Variants in ATL2 observed in about 807,000 individuals in gnomAD.
ATL2 encodes the protein atlastin-2.
ATL2 carries 31 observed loss-of-function variants against 73.9 expected under a neutral mutation model. The ratio of observed to expected loss-of-function variants is 0.42; its 90% CI spans 0.32 to 0.57. The LOEUF is 0.57. ATL2 is among the 20% of genes least tolerant of loss of function. The pLI is 0.14. For synonymous variants in ATL2, 291 were observed against 237.5 expected, an observed-to-expected ratio of 1.23 and a Z score of -2.07; for missense variants, 738 against 702.6, an observed-to-expected ratio of 1.05 and a Z score of -0.57.
At chr2:38,303,386 T>C (rs1573431941) in intron 9 of ATL2, among the ~76,000 whole-genome samples, 1 of 151,976 alleles carries the variant, frequency 6.6e-6, no homozygotes, top group South Asian at 2.1e-4. Context: ...TTGTATTTTT[T>C]GTAGAGACAA....
Position 38,304,438 on chromosome 2 carries a change from A to T in ATL2, c.1072-4110T>A, listed in dbSNP as rs377242308. On this transcript the variant is annotated intron_variant, in intron 9 of 12. Coordinates refer to ENST00000378954, the MANE Select transcript of ATL2 (RefSeq NM_001135673.4). ...AAGAAAAGGATTTTAATGAGCAATAAGAAATGATTTGAAGGTCCAAAACTC... is the reference window on the plus strand; with the variant it reads ...AAGAAAAGGATTTTAATGAGCAATATGAAATGATTTGAAGGTCCAAAACTC... Among the ~76,000 whole-genome samples the T allele has an allele frequency of 1.3e-3, 201 of 152,354 alleles. 1 individual carries two copies. Among genetic ancestry groups the T allele is most frequent in the African/African-American group, 4.5e-3 (187 of 41,588 alleles).
intron 5 of ATL2, 74 bp downstream of exon 5, chr2:38,315,210 C>G (rs1667964037): frequency 7.6e-7 from 1 of 1,323,270 alleles, no homozygotes; most frequent in Non-Finnish European, 9.7e-7. Flanking sequence ...AAGATTGTGC[C>G]ACCGTACTCT....
intron 1 of ATL2, among the ~76,000 whole-genome samples, chr2:38,366,988 G>C (rs575391489): frequency 6.6e-6 from 1 of 152,028 alleles, no homozygotes; most frequent in Admixed American, 6.6e-5. Context: ...AACACTTTAA[G>C]ACATTATCTT....
Position 38,343,488 on chromosome 2 carries a change from A to G in ATL2, c.143T>C (p.Leu48Pro). 2 of 1,607,198 alleles carry G rather than the reference A, an allele frequency of 1.2e-6. No individual in the cohort carries two copies. Among genetic ancestry groups the G allele is most frequent in the South Asian group, 1.1e-5 (1 of 90,300 alleles). ...SLGENYEDDD[L>P]VNSDEVMKKP... ...CTTCATAACCTCATCAGAATTTACTAGGTCATCATCTTCATAATTCTCACC... is the reference window on the plus strand; with the variant it reads ...CTTCATAACCTCATCAGAATTTACTGGGTCATCATCTTCATAATTCTCACC... Residue 48 changes from leucine to proline, a missense_variant, in exon 2 of 13, where the codon CTA (leucine) becomes CCA (proline). Leu to Pro is a moderately conservative substitution (Grantham distance 98, BLOSUM62 -3). Transcript: ENST00000378954.
intron 7 of ATL2, among the ~76,000 whole-genome samples, chr2:38,312,789 A>G (rs1667830924): frequency 6.6e-6 from 1 of 151,726 alleles, no homozygotes; most frequent in Non-Finnish European, 1.5e-5. Context: ...CCTCCCAGTC[A>G]TGCTTCCTGT....
chr2:38,378,282 T>C (rs907323206), upstream of ATL2, among the ~76,000 whole-genome samples: 2 of 152,216 alleles, frequency 1.3e-5, no homozygotes, highest in Admixed American at 1.3e-4. Flanking sequence ...ACTGGTGTTA[T>C]TAAAGCTTTC....
chr2:38,335,385 T>C (rs1020619853), intron 2 of ATL2, among the ~76,000 whole-genome samples: 1 of 152,152 alleles, frequency 6.6e-6, no homozygotes, highest in African/African-American at 2.4e-5. Context: ...ATTCATCCAA[T>C]GAAATATCAC....
At chr2:38,329,934 G>A (rs953917463) in intron 2 of ATL2, among the ~76,000 whole-genome samples, 1 of 152,076 alleles carries the variant, frequency 6.6e-6, no homozygotes, top group Non-Finnish European at 1.5e-5. Flanking sequence ...TTCAAGACCA[G>A]GCTGGCCAAC....
intron 12 of ATL2, 88 bp downstream of exon 12, chr2:38,298,056 G>T: frequency 1.6e-6 from 2 of 1,266,978 alleles, no homozygotes; most frequent in East Asian, 2.4e-5. Flanking sequence ...CTCACATGAA[G>T]GCAAAGTCGG....
chr2:38,355,496 T>G (rs557033418), intron 1 of ATL2, among the ~76,000 whole-genome samples: 7 of 152,078 alleles, frequency 4.6e-5, no homozygotes, highest in Non-Finnish European at 1.0e-4. Context: ...GGGGAAAAGG[T>G]ATACTATACA....
At chr2:38,296,761 G>A in intron 12 of ATL2, 1 of 1,550,060 alleles carries the variant, frequency 6.5e-7, no homozygotes, top group Middle Eastern at 1.7e-4. Context: ...ACACAGCACA[G>A]ATCTCTGACT....
At chr2:38,334,702 C>CA (rs1418354506) in intron 2 of ATL2, among the ~76,000 whole-genome samples, 1 of 150,584 alleles carries the variant, frequency 6.6e-6, no homozygotes, top group Non-Finnish European at 1.5e-5. Flanking sequence ...CCGTCTCAAA[C>CA]AAACAAACAA....
intron 1 of ATL2, among the ~76,000 whole-genome samples, chr2:38,356,800 C>T (rs932947219): frequency 1.3e-5 from 2 of 150,864 alleles, no homozygotes; most frequent in African/African-American, 5.0e-5. Flanking sequence ...ATACTCATTT[C>T]TTTCACTAAC....
At chr2:38,308,675 T>G (rs898729004) in intron 9 of ATL2, among the ~76,000 whole-genome samples, 2 of 152,104 alleles carry the variant, frequency 1.3e-5, no homozygotes, top group South Asian at 2.1e-4. Flanking sequence ...CTAATATGAT[T>G]ATTAGACATT....
chr2:38,364,904 C>A (rs1013215620), intron 1 of ATL2, among the ~76,000 whole-genome samples: 1 of 152,084 alleles, frequency 6.6e-6, no homozygotes. Context: ...ATTAGCCATG[C>A]GTGGTGGCAC....
At chr2:38,339,701 T>A (rs1212008428) in intron 2 of ATL2, among the ~76,000 whole-genome samples, 1 of 152,188 alleles carries the variant, frequency 6.6e-6, no homozygotes, top group African/African-American at 2.4e-5. Flanking sequence ...TTTATTTATT[T>A]ATTTTTGAGA....
intron 1 of ATL2, among the ~76,000 whole-genome samples, chr2:38,358,923 A>C (rs897030665): frequency 2.0e-5 from 3 of 152,166 alleles, no homozygotes; most frequent in African/African-American, 7.2e-5. Flanking sequence ...TGAAGGAAAA[A>C]AACAGCTACT....
intron 2 of ATL2, among the ~76,000 whole-genome samples, chr2:38,330,567 T>C (rs913791537): frequency 1.3e-5 from 2 of 152,158 alleles, no homozygotes; most frequent in African/African-American, 4.8e-5. Context: ...GTTTCAAGGA[T>C]ACAAGATCAA....
At chr2:38,324,947 G>A (rs1195695258) in intron 2 of ATL2, among the ~76,000 whole-genome samples, 2 of 152,216 alleles carry the variant, frequency 1.3e-5, no homozygotes, top group Admixed American at 6.5e-5. Context: ...AGCAGTTCTG[G>A]AGATGGATAG....
Sources: gnomAD v4.1 joint callset for allele counts (sites outside exome capture counted in the v4.1 genomes callset) on GRCh38, gnomAD v4.1.1 for gene constraint, MANE v1.5 for transcripts, NCBI Gene and HGNC (gene_info 2026-07-23, HGNC 2026-07-21) for gene names.